The following ADGRE1 variants were observed in gnomAD, a reference collection of about 807,000 sequenced individuals.
ADGRE1 encodes adhesion G protein-coupled receptor E1.
ADGRE1 carries 82 observed loss-of-function variants against 102.7 expected under a neutral mutation model. The ratio of observed to expected loss-of-function variants is 0.80; its 90% CI spans 0.67 to 0.96. The LOEUF is 0.96. Ranked by LOEUF, ADGRE1 falls within the 40% of genes least tolerant of loss-of-function variation. The pLI is 0.00. For synonymous variants in ADGRE1, 398 were observed against 399.6 expected, an observed-to-expected ratio of 1.00 and a Z score of 0.05; for missense variants, 1,032 against 1,085.3, an observed-to-expected ratio of 0.95 and a Z score of 0.69.
intron 10 of ADGRE1, among the ~76,000 whole-genome samples, chr19:6,913,180 CT>C (rs1001931635): frequency 6.6e-6 from 1 of 151,154 alleles, no homozygotes; most frequent in Non-Finnish European, 1.5e-5. Flanking sequence ...ATTTGTATTT[CT>C]TTTTTTTTCT....
chr19:6,923,575 G>T (rs1974761575), intron 14 of ADGRE1, among the ~76,000 whole-genome samples: 1 of 152,116 alleles, frequency 6.6e-6, no homozygotes. Context: ...TTGTTGCCCA[G>T]GCTGGAGTGC....
intron 13 of ADGRE1, 123 bp downstream of exon 13, chr19:6,919,870 G>A: frequency 2.3e-6 from 2 of 868,326 alleles, no homozygotes; most frequent in Non-Finnish European, 3.5e-6. Context: ...ACAATTTCCA[G>A]CAATTCAAGC....
At position 6,906,279 on chromosome 19, in the gene ADGRE1, G is replaced by A. The variant is rs139181791; in HGVS notation, c.950-154G>A. Among the ~76,000 whole-genome samples the A allele has an allele frequency of 6.4e-3, 977 of 152,318 alleles. 7 individuals carry two copies. Among genetic ancestry groups the A allele is most frequent in the Non-Finnish European group, 7.0e-3 (478 of 68,024 alleles). Reference sequence around the variant, plus strand: ...TAGTAAACACGTCCTTCATGTTGTAGTGTGTAGTTGTGGTTTGTTCATTTT... The same window carrying A: ...TAGTAAACACGTCCTTCATGTTGTAATGTGTAGTTGTGGTTTGTTCATTTT... On this transcript the variant is annotated intron_variant, in intron 8 of 20. Transcript: ENST00000312053.
chr19:6,923,145 A>C (rs1457713570), intron 14 of ADGRE1, among the ~76,000 whole-genome samples: 2 of 152,180 alleles, frequency 1.3e-5, no homozygotes, highest in African/African-American at 4.8e-5. Flanking sequence ...GAGAGGCCAT[A>C]AGTAAGTGCC....
chr19:6,911,377 T>G (rs1043313815), intron 10 of ADGRE1, among the ~76,000 whole-genome samples: 5 of 137,934 alleles, frequency 3.6e-5, no homozygotes. Flanking sequence ...GGTTCTGGAT[T>G]CCTTTTAGTT....
chr19:6,914,753 G>T (rs1974314509), intron 11 of ADGRE1, among the ~76,000 whole-genome samples: 1 of 152,156 alleles, frequency 6.6e-6, no homozygotes, highest in African/African-American at 2.4e-5. Flanking sequence ...AAGTACAGCA[G>T]GCTAGGGAGG....
chr19:6,890,614 G>A (rs919584094), intron 2 of ADGRE1, 71 bp downstream of exon 2: 2 of 1,523,796 alleles, frequency 1.3e-6, no homozygotes, highest in African/African-American at 2.8e-5. Context: ...AAACATCCCA[G>A]GAAGCTGAGC....
At chr19:6,909,887 A>G (rs1974107208) in intron 10 of ADGRE1, among the ~76,000 whole-genome samples, 1 of 152,052 alleles carries the variant, frequency 6.6e-6, no homozygotes, top group Non-Finnish European at 1.5e-5. Flanking sequence ...GGCATGCGCC[A>G]CCATGCCCGG....
intron 16 of ADGRE1, among the ~76,000 whole-genome samples, chr19:6,927,322 T>C (rs1036984132): frequency 6.9e-5 from 10 of 145,504 alleles, no homozygotes; most frequent in Non-Finnish European, 1.5e-4. Flanking sequence ...CCTCCCTCCC[T>C]TCTTTCCTTC....
chr19:6,887,660 G>A (rs1177912349), intron 1 of ADGRE1, 21 bp downstream of exon 1: 3 of 1,605,850 alleles, frequency 1.9e-6, no homozygotes, highest in Non-Finnish European at 2.5e-6. Flanking sequence ...GGCTGAATGG[G>A]GGGCTAGGGG....
At chr19:6,909,827 C>T (rs1280351473) in intron 10 of ADGRE1, among the ~76,000 whole-genome samples, 12 of 152,062 alleles carry the variant, frequency 7.9e-5, no homozygotes, top group Admixed American at 6.6e-4. Flanking sequence ...CTCCACCTCC[C>T]AGGTTCAAGC....
At position 6,919,586 on chromosome 19, in the gene ADGRE1, G is replaced by A. The variant is rs143078439; in HGVS notation, c.1459G>A (p.Glu487Lys). The part of the protein sequence containing the change: ...GVAFVSFVGM[E>K]SVLNERFFKD... The stretch of plus-strand genomic sequence containing the variant: ...GGCTTTTGTCTCCTTTGTGGGCATG[G>A]AATCGGTTTTAAATGAGCGCTTCTT... Residue 487 changes from glutamate to lysine, a missense_variant, in exon 13 of 21, where the codon GAA becomes AAA. Transcript: ENST00000312053. The A allele has an allele frequency of 6.2e-6, 10 of 1,613,230 alleles. No individual in the cohort carries two copies. Among genetic ancestry groups the A allele is most frequent in the Non-Finnish European group, 8.5e-6 (10 of 1,179,916 alleles).
intron 15 of ADGRE1, among the ~76,000 whole-genome samples, chr19:6,925,349 C>T (rs566177633): frequency 6.6e-6 from 1 of 152,184 alleles, no homozygotes; most frequent in Non-Finnish European, 1.5e-5. Context: ...TCCTGAACTC[C>T]TGACCTCAGG....
Position 6,924,698 on chromosome 19 carries a change from C to T in ADGRE1, c.1812C>T (p.Ile604=), listed in dbSNP as rs762110448. 5 of 1,614,054 alleles carry T rather than the reference C, an allele frequency of 3.1e-6. No individual in the cohort carries two copies. The Admixed American group carries it at 8.3e-5, about 27-fold the overall frequency. The change falls in exon 15 of 21, where the codon ATC becomes ATT. Residue 604 remains isoleucine, a synonymous_variant. Coordinates refer to ENST00000312053, the MANE Select transcript of ADGRE1 (RefSeq NM_001974.5). ...GELTMDFSLY[I]ISHVGIIISL... Reference sequence around the variant, plus strand: ...GACAGATGGACTTTTCCTTGTACATCATTAGCCATGTAGGCATTATCATCT... The same window carrying T: ...GACAGATGGACTTTTCCTTGTACATTATTAGCCATGTAGGCATTATCATCT...
At chr19:6,913,084 A>G (rs972883119) in intron 10 of ADGRE1, among the ~76,000 whole-genome samples, 1 of 152,084 alleles carries the variant, frequency 6.6e-6, no homozygotes, top group Non-Finnish European at 1.5e-5. Context: ...AGCGTCATGC[A>G]CCACCGTGCC....
intron 18 of ADGRE1, among the ~76,000 whole-genome samples, chr19:6,936,165 G>A (rs528389937): frequency 6.6e-6 from 1 of 152,270 alleles, no homozygotes; most frequent in East Asian, 1.9e-4. Context: ...GGCCTGGTGT[G>A]GTGGCTCATG....
intron 18 of ADGRE1, among the ~76,000 whole-genome samples, chr19:6,935,383 G>A (rs1021353097): frequency 6.6e-6 from 1 of 152,142 alleles, no homozygotes; most frequent in Non-Finnish European, 1.5e-5. Flanking sequence ...TAGGAACAGT[G>A]AGTGTTTCAT....
chr19:6,890,695 A>C, intron 2 of ADGRE1, 152 bp downstream of exon 2: 3 of 744,946 alleles, frequency 4.0e-6, no homozygotes, highest in Non-Finnish European at 6.5e-6. Context: ...CCTGATTCTC[A>C]CTTCAGGCTC....
chr19:6,919,775 C>T (rs1389884933), intron 13 of ADGRE1, 28 bp downstream of exon 13: 3 of 1,603,474 alleles, frequency 1.9e-6, no homozygotes, highest in Middle Eastern at 1.7e-4. Context: ...TACTGAGATT[C>T]TTGTCTACCT....
Sources: allele counts gnomAD v4.1 joint callset (sites outside exome capture counted in the v4.1 genomes callset), GRCh38; gene constraint gnomAD v4.1.1; transcripts MANE v1.5; gene names NCBI Gene and HGNC (gene_info 2026-07-23, HGNC 2026-07-21).